WDR27: variants seen among roughly 807,000 people sequenced by gnomAD.
WDR27 encodes the protein WD repeat domain 27, also known as WD repeat-containing protein 27.
Under a neutral mutation model 114.4 loss-of-function variants are expected in WDR27, and 100 were observed. That is an observed-to-expected ratio of 0.87 (90% CI 0.74 to 1.03). The LOEUF is 1.03. Ranked by LOEUF, WDR27 falls within the 50% of genes least tolerant of loss-of-function variation. The pLI is 0.00. For missense variants in WDR27, 1,129 were observed against 1,092.9 expected, an observed-to-expected ratio of 1.03 and a Z score of -0.47; for synonymous variants, 449 against 423.1, an observed-to-expected ratio of 1.06 and a Z score of -0.75.
At chr6:169,652,049 AT>A (rs1822731703) in intron 13 of WDR27, 41 bp from the exon 14 acceptor site, 1 of 1,576,584 alleles carries the variant, frequency 6.3e-7, no homozygotes, top group African/African-American at 1.3e-5. Flanking sequence ...AACACTTAAA[AT>A]TAGCATCTCA....
At chr6:169,599,391 G>A (rs1270498648) in intron 23 of WDR27, among the ~76,000 whole-genome samples, 2 of 152,104 alleles carry the variant, frequency 1.3e-5, no homozygotes, top group Admixed American at 1.3e-4. Flanking sequence ...ATTTATTTAT[G>A]GACTTTTTTT....
At chr6:169,553,032 A>ATGTGTGT (rs1798391290) in intron 25 of WDR27, among the ~76,000 whole-genome samples, 1 of 34,942 alleles carries the variant, frequency 2.9e-5, no homozygotes, top group Non-Finnish European at 6.2e-5. Context: ...GTGTGTATGC[A>ATGTGTGT]GGGAGGTGGG....
rs1792789717 is a variant in WDR27, at chr6:169,511,120, G to T, written c.2646-53486C>A. Among the ~76,000 whole-genome samples the T allele has an allele frequency of 2.0e-5, 3 of 152,112 alleles. No individual in the cohort carries two copies. In the South Asian group the frequency reaches 6.2e-4, roughly 32 times the overall value. On this transcript the variant is annotated intron_variant, in intron 25 of 25. Coordinates refer to ENST00000448612, the MANE Select transcript of WDR27 (RefSeq NM_182552.5). Reference sequence around the variant, plus strand: ...GCCACAGTTCCAGTTCCAGTAGTGTGTTTCAGACTTTGATACAAAAACAAA... The same window carrying T: ...GCCACAGTTCCAGTTCCAGTAGTGTTTTTCAGACTTTGATACAAAAACAAA...
chr6:169,607,287 CAT>C (rs368024183), intron 22 of WDR27, among the ~76,000 whole-genome samples: 44 of 152,220 alleles, frequency 2.9e-4, no homozygotes, highest in African/African-American at 1.0e-3. Context: ...CACATGCACT[CAT>C]ATGTTTATTG....
intron 23 of WDR27, among the ~76,000 whole-genome samples, chr6:169,601,846 C>T (rs147158063): frequency 3.3e-5 from 5 of 152,324 alleles, no homozygotes; most frequent in Admixed American, 3.3e-4. Context: ...AAGGATCTAA[C>T]TTAGGAAAGG....
rs201447076 is a variant in WDR27, at chr6:169,602,243, C to T, written c.2400G>A (p.Ala800=). ...CGTGTCTGTCCTCGGCCCCACAAGC[C>T]GCGAATCGTCCACAAGGACTGAAAG... ...GIAFSPCGRF[A]ACGAEDRHAY... is the part of the protein sequence containing the mutation. The change falls in exon 23 of 26, where the codon GCG becomes GCA. Residue 800 remains alanine (A), a synonymous_variant. Coordinates refer to ENST00000448612, the MANE Select transcript of WDR27 (RefSeq NM_182552.5). 11 of 1,560,878 alleles carry T rather than the reference C, an allele frequency of 7.0e-6. No homozygotes were observed. Among genetic ancestry groups the T allele is most frequent in the East Asian group, 2.4e-5 (1 of 41,948 alleles).
chr6:169,605,126 T>TAAAAAAAAAAAAAAAAAAAAAAA (rs1562675972), intron 22 of WDR27, among the ~76,000 whole-genome samples: 1 of 74,444 alleles, frequency 1.3e-5, no homozygotes, highest in East Asian at 2.8e-3. Flanking sequence ...AAAAAAAAAG[T>TAAAAAAAAAAAAAAAAAAAAAAA]TTTTTTTTTT....
intron 24 of WDR27, among the ~76,000 whole-genome samples, chr6:169,575,848 C>T (rs371046308): frequency 9.9e-5 from 15 of 152,242 alleles, no homozygotes; most frequent in African/African-American, 3.6e-4. Context: ...AAAGAACATG[C>T]TACTTTAAAA....
intron 24 of WDR27, among the ~76,000 whole-genome samples, chr6:169,578,522 G>A (rs1346090882): frequency 6.6e-6 from 1 of 152,290 alleles, no homozygotes. Flanking sequence ...TTACAATTGT[G>A]TGCAGCACTT....
intron 25 of WDR27, among the ~76,000 whole-genome samples, chr6:169,502,085 A>T (rs563474759): frequency 6.6e-6 from 1 of 152,290 alleles, no homozygotes; most frequent in Admixed American, 6.5e-5. Flanking sequence ...AGGCTAGGGC[A>T]GCCGCCCCGG....
chr6:169,444,739 C>T, the WDR27 span, among the ~76,000 whole-genome samples: 1 of 151,954 alleles, frequency 6.6e-6, no homozygotes, highest in South Asian at 2.1e-4. Flanking sequence ...CAACCAGATC[C>T]TGCTAGAGGC....
chr6:169,513,598 A>T (rs1793193977), intron 25 of WDR27, among the ~76,000 whole-genome samples: 1 of 142,282 alleles, frequency 7.0e-6, no homozygotes, highest in Non-Finnish European at 1.5e-5. Flanking sequence ...CCAGGCACTA[A>T]GTAGGAGAGT....
chr6:169,428,600 C>CGGGGGGGCGGGGGGG, the WDR27 span, among the ~76,000 whole-genome samples: 1 of 4,404 alleles, frequency 2.3e-4, no homozygotes, highest in Non-Finnish European at 6.5e-4. Flanking sequence ...GGGACGGTGG[C>CGGGGGGGCGGGGGGG]GGGGGGGAGG....
chr6:169,487,665 G>A (rs1371550168), intron 25 of WDR27, among the ~76,000 whole-genome samples: 1 of 152,132 alleles, frequency 6.6e-6, no homozygotes, highest in Non-Finnish European at 1.5e-5. Context: ...GCCAAGATAA[G>A]ACTTTTTAAA....
Position 169,638,623 on chromosome 6 carries a change from C to T in WDR27, c.1785G>A (p.Gln595=), listed in dbSNP as rs753893337. The change falls in exon 18 of 26, where the codon CAG becomes CAA. Residue 595 remains glutamine, a synonymous_variant. Transcript: ENST00000448612. The part of the protein sequence containing the change: ...DGAVNAVCWS[Q]DRRWLLSAAR... The stretch of plus-strand genomic sequence containing the variant: ...CCGCAGAGAGCAGCCACCTCCGGTC[C>T]TGGCTCCAGCACACGGCATTCACTG... 6.2e-7 allele frequency: 1 copy of T among 1,607,264 alleles called. No homozygotes were observed. The highest frequency in any genetic ancestry group is 8.5e-7 in the Non-Finnish European group (1 of 1,176,982).
chr6:169,428,464 G>A, the WDR27 span, among the ~76,000 whole-genome samples: 3 of 152,204 alleles, frequency 2.0e-5, no homozygotes, highest in African/African-American at 7.2e-5. Flanking sequence ...ATTTTCCAAA[G>A]TGAATGCCAC....
At chr6:169,603,090 C>T (rs561212049) in intron 22 of WDR27, among the ~76,000 whole-genome samples, 2 of 151,906 alleles carry the variant, frequency 1.3e-5, no homozygotes, top group South Asian at 2.1e-4. Flanking sequence ...AATCCACCTG[C>T]CTTGGCCTCC....
At chr6:169,560,381 T>A (rs1202872469) in intron 25 of WDR27, among the ~76,000 whole-genome samples, 1 of 152,244 alleles carries the variant, frequency 6.6e-6, no homozygotes, top group Non-Finnish European at 1.5e-5. Context: ...TATGTCTTTA[T>A]CAGCAGCATA....
intron 1 of WDR27, among the ~76,000 whole-genome samples, chr6:169,695,348 T>TG (rs943749039): frequency 3.3e-5 from 5 of 152,178 alleles, no homozygotes; most frequent in Admixed American, 6.5e-5. Context: ...CTTACTGAGC[T>TG]GGGGAAGAAC....
Sources: gnomAD v4.1 joint callset for allele counts (sites outside exome capture counted in the v4.1 genomes callset) on GRCh38, gnomAD v4.1.1 for gene constraint, MANE v1.5 for transcripts, NCBI Gene and HGNC (gene_info 2026-07-23, HGNC 2026-07-21) for gene names.